The following PCDHGA12 variants were observed in gnomAD, a reference collection of about 807,000 sequenced individuals.
The protein encoded by PCDHGA12 is protocadherin gamma subfamily A, 12.
In PCDHGA12, 43 loss-of-function variants were observed where a neutral mutation model predicts 61.1. That is an observed-to-expected ratio of 0.70 (90% confidence interval 0.55 to 0.91). The LOEUF (loss-of-function observed/expected upper bound fraction) is 0.91, where lower values mean the gene tolerates loss of function less well. PCDHGA12 is among the 40% of genes least tolerant of loss of function. The pLI is 0.00. For missense variants in PCDHGA12, 1,236 were observed against 1,227.7 expected (o/e 1.01, Z -0.10); for synonymous variants, 520 against 542.9 (o/e 0.96, Z 0.59).
rs758417744 is a variant in PCDHGA12, at chr5:141,430,916, G to A, written c.157G>A (p.Gly53Arg). Residue 53 changes from glycine (G) to arginine (R), a missense_variant, in exon 1 of 4, where the codon GGG becomes AGG. Gly to Arg is a moderately radical substitution (Grantham distance 125). Coordinates refer to ENST00000252085, the MANE Select transcript of PCDHGA12 (RefSeq NM_003735.3). ...GGTGGGCGACATCTCCAGGGACCTG[G>A]GGCTGGAGCCCCGGGAGCTCGCGGA... ...SRVGDISRDL[G>R]LEPRELAERG... The A allele has an allele frequency of 1.9e-6, 3 of 1,607,878 alleles. No individual in the cohort carries two copies. The East Asian group carries it at 6.7e-5, about 36-fold the overall frequency.
intron 1 of PCDHGA12, among the ~76,000 whole-genome samples, chr5:141,448,086 T>TA (rs558292628): frequency 0.011 from 1,579 of 146,268 alleles, 11 homozygotes; most frequent in Non-Finnish European, 0.016. Context: ...AATGCCATCT[T>TA]AAAAAAAAAA....
In PCDHGA12 at chr5:141,476,877, T is replaced by C. The variant is rs2099400648; in HGVS notation, c.2425-17930T>C. ...CAGTCCTTGTACCGGGCGCGCGTCC[T>C]GGAGGATGCACCCTCCGGCACGCGC... On this transcript the variant is annotated intron_variant, in intron 1 of 3. Transcript: ENST00000252085. This position sits in a 1 kb window ranked among gnomAD's most constrained non-coding sequence, Gnocchi z 7.6. 4.3e-6 allele frequency: 7 copies of C among 1,613,954 alleles called. No homozygotes were observed. The highest frequency in any genetic ancestry group is 5.9e-6 in the Non-Finnish European group (7 of 1,180,038).
rs1452697214 is a variant in PCDHGA12, at chr5:141,476,552, G to A, written c.2425-18255G>A. ...CCAGGAAATGAAATTGGAGATTAGCGAGGCCGTGGCTCCGGGGACGCGCTT... is the reference window on the plus strand; with the variant it reads ...CCAGGAAATGAAATTGGAGATTAGCAAGGCCGTGGCTCCGGGGACGCGCTT... On this transcript the variant is annotated intron_variant, in intron 1 of 3. Transcript: ENST00000252085. The surrounding 1 kb of genome is among the most constrained non-coding windows in gnomAD (Gnocchi z 7.6). 1 of 1,614,210 alleles carries A rather than the reference G, an allele frequency of 6.2e-7. No homozygotes were observed. Among genetic ancestry groups the A allele is most frequent in the Non-Finnish European group, 8.5e-7 (1 of 1,180,032 alleles).
At chr5:141,460,453 A>T (rs1487816393) in intron 1 of PCDHGA12, among the ~76,000 whole-genome samples, 3 of 152,152 alleles carry the variant, frequency 2.0e-5, no homozygotes, top group Non-Finnish European at 4.4e-5. Flanking sequence ...ATGAAGATTC[A>T]TATTTTTTTC....
In PCDHGA12 at chr5:141,485,470, T is replaced by C; in HGVS notation, c.2425-9337T>C. ...ACCGAGAGGCACTGTGTGGGCTCAG[T>C]GCCAGCTGCATCGTGCCCCTGGAGT... On this transcript the variant is annotated intron_variant, in intron 1 of 3. Coordinates refer to ENST00000252085, the MANE Select transcript of PCDHGA12 (RefSeq NM_003735.3). This position sits in a 1 kb window ranked among gnomAD's most constrained non-coding sequence, Gnocchi z 5.7. 1.9e-6 allele frequency: 3 copies of C among 1,614,110 alleles called. No individual in the cohort carries two copies. The highest frequency in any genetic ancestry group is 2.5e-6 in the Non-Finnish European group (3 of 1,180,002).
chr5:141,451,532 G>T (rs1168984212), intron 1 of PCDHGA12, among the ~76,000 whole-genome samples: 1 of 152,180 alleles, frequency 6.6e-6, no homozygotes, highest in African/African-American at 2.4e-5. Flanking sequence ...AAAGGAGAGT[G>T]CCAGAGAGGG....
Position 141,477,044 on chromosome 5 carries a change from C to T in PCDHGA12, c.2425-17763C>T, listed in dbSNP as rs750525889. ...CGGGATGCTGACAATCAAGGGTCGG[C>T]TGGACTTCGAGGACACCAAACTCCA... On this transcript the variant is annotated intron_variant, in intron 1 of 3. Coordinates refer to ENST00000252085, the MANE Select transcript of PCDHGA12 (RefSeq NM_003735.3). The surrounding 1 kb of genome is among the most constrained non-coding windows in gnomAD (Gnocchi z 4.9). 6.2e-7 allele frequency: 1 copy of T among 1,614,246 alleles called. No individual in the cohort carries two copies. Among genetic ancestry groups the T allele is most frequent in the Non-Finnish European group, 8.5e-7 (1 of 1,180,034 alleles).
Position 141,432,503 on chromosome 5 carries a change from G to A in PCDHGA12, c.1744G>A (p.Ala582Thr), listed in dbSNP as rs939325676. Residue 582 changes from alanine (A) to threonine (T), a missense_variant, in exon 1 of 4, where the codon GCA becomes ACA. Transcript: ENST00000252085. This position sits in a 1 kb window ranked among gnomAD's most constrained non-coding sequence, Gnocchi z 6.0. ...STGVELAPRS[A>T]EPGYLVTKVV... ...TGGCGTGGAGCTGGCTCCCCGCTCC[G>A]CAGAGCCCGGCTACCTGGTGACCAA... 5 of 1,613,988 alleles carry A rather than the reference G, an allele frequency of 3.1e-6. No individual in the cohort carries two copies. Among genetic ancestry groups the A allele is most frequent in the Non-Finnish European group, 2.5e-6 (3 of 1,180,038 alleles).
At chr5:141,505,804 G>A (rs554534524) in intron 3 of PCDHGA12, among the ~76,000 whole-genome samples, 13 of 152,240 alleles carry the variant, frequency 8.5e-5, no homozygotes, top group Admixed American at 3.3e-4. Context: ...GACTTGGATC[G>A]ACTTGCTCAA....
intron 1 of PCDHGA12, among the ~76,000 whole-genome samples, chr5:141,439,341 G>A (rs1464427300): frequency 6.6e-6 from 1 of 152,166 alleles, no homozygotes; most frequent in East Asian, 1.9e-4. Context: ...AAGATTCTAA[G>A]CCTACAAATA....
chr5:141,512,068 C>T lies in PCDHGA12; in HGVS notation c.*895C>T, dbSNP rs1215311369. 6.6e-6 allele frequency: 1 copy of T among 152,664 alleles called. No individual in the cohort carries two copies. The highest frequency in any genetic ancestry group is 1.5e-5 in the Non-Finnish European group (1 of 68,066). The allele number at this position is 152,664 out of a possible 1,614,324, so 9.5% of individuals were successfully genotyped here. On this transcript the variant is annotated 3_prime_UTR_variant, in exon 4 of 4. Transcript: ENST00000252085. The stretch of plus-strand genomic sequence containing the variant: ...TCCTCAGGGGACTGACAACATCCTC[C>T]AGATTCCAGCCATAAACCAATAACT...
chr5:141,468,681 A>G (rs1415798588), intron 1 of PCDHGA12: 1 of 151,830 alleles, frequency 6.6e-6, no homozygotes, highest in African/African-American at 2.4e-5. Flanking sequence ...CCTGGCTAAC[A>G]CGGTGAAACC....
Position 141,512,147 on chromosome 5 carries a change from GGCTGA to G in PCDHGA12, c.*978_*982del, listed in dbSNP as rs1406468661. The G allele has an allele frequency of 1.3e-5, 2 of 152,652 alleles. No homozygotes were observed. Among genetic ancestry groups the G allele is most frequent in the Admixed American group, 6.5e-5 (1 of 15,286 alleles). The allele number at this position is 152,652 out of a possible 1,614,324, so 9.5% of individuals were successfully genotyped here. A position where few individuals can be genotyped will look rare whatever the true frequency, so the allele number is the denominator to read the frequency against. On this transcript the variant is annotated 3_prime_UTR_variant, in exon 4 of 4. Coordinates refer to ENST00000252085, the MANE Select transcript of PCDHGA12 (RefSeq NM_003735.3). ...GGCTCAGCCCAGGCAGCCAGCTTTG[GGCTGA>G]GCTAACAGGACCAATGGATTAAACT... is the stretch of plus-strand genomic sequence containing the variant.
intron 3 of PCDHGA12, among the ~76,000 whole-genome samples, chr5:141,507,856 A>T (rs1200072170): frequency 1.3e-5 from 2 of 151,926 alleles, no homozygotes; most frequent in Non-Finnish European, 2.9e-5. Flanking sequence ...TCTCACTTTC[A>T]CACCCGCTTC....
At chr5:141,478,287 G>C (rs777542913) in intron 1 of PCDHGA12, 1 of 1,614,154 alleles carries the variant, frequency 6.2e-7, no homozygotes, top group South Asian at 1.1e-5. Context: ...AAGCAGTCTA[G>C]AGACCTATAC....
chr5:141,444,184 T>TG, intron 1 of PCDHGA12, among the ~76,000 whole-genome samples: 1 of 138,886 alleles, frequency 7.2e-6, no homozygotes, highest in South Asian at 2.4e-4. Flanking sequence ...TTTTTTTTTT[T>TG]TTTTGAGATG....
At chr5:141,450,829 A>ATTTTT (rs373424450) in intron 1 of PCDHGA12, among the ~76,000 whole-genome samples, 3 of 135,122 alleles carry the variant, frequency 2.2e-5, no homozygotes, top group Admixed American at 7.6e-5. Flanking sequence ...TATTATTATT[A>ATTTTT]TTTTTTTTTT....
At chr5:141,442,029 A>C in intron 1 of PCDHGA12, 1 of 210,292 alleles carries the variant, frequency 4.8e-6, no homozygotes, top group Non-Finnish European at 9.8e-6. Context: ...CAGGAAAGCG[A>C]CTCGCCAGCG....
intron 1 of PCDHGA12, among the ~76,000 whole-genome samples, chr5:141,462,745 TATG>T (rs1249238113): frequency 6.6e-6 from 1 of 152,262 alleles, no homozygotes; most frequent in Non-Finnish European, 1.5e-5. Flanking sequence ...CTGTAATTCC[TATG>T]ATGATTTTCT....
Sources: allele counts gnomAD v4.1 joint callset (sites outside exome capture counted in the v4.1 genomes callset), GRCh38; gene constraint gnomAD v4.1.1; non-coding constraint Gnocchi (gnomAD v3.1); transcripts MANE v1.5; gene names NCBI Gene and HGNC (gene_info 2026-07-23, HGNC 2026-07-21).